ZNF516: variants seen among roughly 807,000 people sequenced by gnomAD.
The protein encoded by ZNF516 is zinc finger protein 516.
A neutral mutation model predicts 79.7 loss-of-function variants in ZNF516; 19 were observed. The observed-to-expected ratio is 0.24, with a 90% CI of 0.17 to 0.35. The LOEUF is 0.35. Among genes scored for constraint, ZNF516 ranks in the 10% least tolerant of loss-of-function variants. The pLI is 1.00. For missense variants in ZNF516, 1,678 were observed against 1,679.5 expected (o/e 1.00, Z 0.02); for synonymous variants, 877 against 739.5 (o/e 1.19, Z -3.02).
In ZNF516 at chr18:76,441,639, G is replaced by A. The variant is rs979940632; in HGVS notation, c.1416C>T (p.Ala472=). ...CGCGCTTCCGCGGGGGCCCCTGCGC[G>A]GCTGGTGCATCCTGCTCACGCTTGC... ...EKRKREQDAP[A]AQGPPRKRAS... is the part of the protein sequence containing the mutation. Residue 472 remains alanine, a synonymous_variant, in exon 3 of 7, where the codon GCC becomes GCT. Coordinates refer to ENST00000443185, the MANE Select transcript of ZNF516 (RefSeq NM_014643.4). 3.9e-6 allele frequency: 6 copies of A among 1,530,070 alleles called. No homozygotes were observed. Among genetic ancestry groups the A allele is most frequent in the East Asian group, 2.5e-5 (1 of 39,860 alleles). The allele number at this position is 1,530,070 out of a possible 1,614,324, so 94.8% of individuals were successfully genotyped here.
In ZNF516 at chr18:76,451,244, T is replaced by A. The variant is rs1454277179; in HGVS notation, c.-157-8033A>T. Among the ~76,000 whole-genome samples, 2 of 152,182 alleles carry A rather than the reference T, an allele frequency of 1.3e-5. No homozygotes were observed. The highest frequency in any genetic ancestry group is 2.9e-5 in the Non-Finnish European group (2 of 68,022). On this transcript the variant is annotated intron_variant, in intron 2 of 6. Transcript: ENST00000443185. The surrounding 1 kb of genome is among the most constrained non-coding windows in gnomAD (Gnocchi z 6.0). ...CCTTATCGCGGTCCCGAAACAGCCCTGGCTCCCCCGACGCCATGTGGCTTT... is the reference window on the plus strand; with the variant it reads ...CCTTATCGCGGTCCCGAAACAGCCCAGGCTCCCCCGACGCCATGTGGCTTT...
At chr18:76,435,151 A>G (rs935383024) in intron 3 of ZNF516, among the ~76,000 whole-genome samples, 2 of 149,534 alleles carry the variant, frequency 1.3e-5, no homozygotes, top group African/African-American at 4.8e-5. Flanking sequence ...GAGAGAGAAG[A>G]TAAGTGTTTG....
chr18:76,439,050 G>A lies in ZNF516; in HGVS notation c.1810+2195C>T, dbSNP rs151097719. Among the ~76,000 whole-genome samples, 31 of 152,308 alleles carry A rather than the reference G, an allele frequency of 2.0e-4. No homozygotes were observed. In the East Asian group the frequency reaches 5.2e-3, roughly 26 times the overall value. The stretch of plus-strand genomic sequence containing the variant: ...AAAGGCAAGCATTTCCCAAAGTTGC[G>A]TGTATTTTTTCAGAAAAAGAAAGGA... On this transcript the variant is annotated intron_variant, in intron 3 of 6. Coordinates refer to ENST00000443185, the MANE Select transcript of ZNF516 (RefSeq NM_014643.4).
chr18:76,383,172 A>G (rs1432326472), intron 3 of ZNF516, among the ~76,000 whole-genome samples: 1 of 152,092 alleles, frequency 6.6e-6, no homozygotes, highest in Non-Finnish European at 1.5e-5. Flanking sequence ...AGGGCGGGAG[A>G]GAAGCATGAC....
chr18:76,372,308 T>C (rs1169247952), intron 4 of ZNF516, among the ~76,000 whole-genome samples: 1 of 152,276 alleles, frequency 6.6e-6, no homozygotes, highest in South Asian at 2.1e-4. Context: ...AGAGCGTTTA[T>C]TTGTCTGCAC....
chr18:76,398,619 G>A (rs1321137992), intron 3 of ZNF516, among the ~76,000 whole-genome samples: 1 of 145,974 alleles, frequency 6.9e-6, no homozygotes, highest in East Asian at 1.9e-4. Flanking sequence ...AAGGAATGGG[G>A]GCCTTTCTGA....
intron 1 of ZNF516, chr18:76,487,938 G>A (rs1242913992): frequency 2.0e-6 from 2 of 985,282 alleles, no homozygotes; most frequent in Non-Finnish European, 2.4e-6. Context: ...GAGAAGAAGG[G>A]AACAGCTACA....
intron 4 of ZNF516, among the ~76,000 whole-genome samples, chr18:76,376,518 T>C (rs934996950): frequency 5.2e-5 from 7 of 135,776 alleles, no homozygotes; most frequent in Non-Finnish European, 1.1e-4. Context: ...AGATAAATAT[T>C]TAACCTCTCT....
At chr18:76,419,166 GA>G (rs1417532138) in intron 3 of ZNF516, among the ~76,000 whole-genome samples, 1 of 152,202 alleles carries the variant, frequency 6.6e-6, no homozygotes, top group South Asian at 2.1e-4. Flanking sequence ...GACCCTGGGG[GA>G]ATTCAGGATT....
At chr18:76,425,698 T>C (rs771167499) in intron 3 of ZNF516, among the ~76,000 whole-genome samples, 2 of 152,224 alleles carry the variant, frequency 1.3e-5, no homozygotes, top group Non-Finnish European at 2.9e-5. Flanking sequence ...GCTGTGTCTT[T>C]TGTCAACACC....
At chr18:76,397,929 C>A (rs938586870) in intron 3 of ZNF516, among the ~76,000 whole-genome samples, 31 of 152,304 alleles carry the variant, frequency 2.0e-4, no homozygotes, top group African/African-American at 7.0e-4. Flanking sequence ...CGAACAAAAA[C>A]AGTCCCAAAT....
chr18:76,459,707 C>T lies in ZNF516; in HGVS notation c.-158+3321G>A, dbSNP rs561214902. Reference sequence around the variant, plus strand: ...GAAGTGGCAGGGCAGGAGGTAGAACCGGAAGCCTCACGCTACACCAGGCAC... The same window carrying T: ...GAAGTGGCAGGGCAGGAGGTAGAACTGGAAGCCTCACGCTACACCAGGCAC... On this transcript the variant is annotated intron_variant, in intron 2 of 6. Transcript: ENST00000443185. The surrounding 1 kb of genome is among the most constrained non-coding windows in gnomAD (Gnocchi z 5.0). Among the ~76,000 whole-genome samples the T allele has an allele frequency of 6.6e-6, 1 of 152,268 alleles. No homozygotes were observed. The highest frequency in any genetic ancestry group is 1.5e-5 in the Non-Finnish European group (1 of 68,016).
rs765103551 is a variant in ZNF516 at position 76,379,663 on chromosome 18, G to A, written c.2451C>T (p.Gly817=). 5.6e-6 allele frequency: 9 copies of A among 1,613,510 alleles called. No homozygotes were observed. The highest frequency in any genetic ancestry group is 5.3e-5 in the African/African-American group (4 of 74,956). The part of the protein sequence containing the change: ...LVFLSRSGRT[G]PPPALGGKEC... ...CTTTGCCACCGAGGGCAGGCGGGGGGCCCGTGCGTCCGCTCCGGGAAAGGA... is the reference window on the plus strand; with the variant it reads ...CTTTGCCACCGAGGGCAGGCGGGGGACCCGTGCGTCCGCTCCGGGAAAGGA... The change falls in exon 4 of 7, where the codon GGC becomes GGT. Residue 817 remains glycine (G), a synonymous_variant. Coordinates refer to ENST00000443185, the MANE Select transcript of ZNF516 (RefSeq NM_014643.4).
intron 4 of ZNF516, among the ~76,000 whole-genome samples, chr18:76,373,874 A>G (rs1350677723): frequency 6.6e-6 from 1 of 152,274 alleles, no homozygotes; most frequent in Non-Finnish European, 1.5e-5. Flanking sequence ...TTCCGAGTCA[A>G]TCACAAAGGT....
intron 3 of ZNF516, among the ~76,000 whole-genome samples, chr18:76,399,145 G>A (rs138409946): frequency 2.8e-4 from 43 of 152,096 alleles, no homozygotes; most frequent in African/African-American, 9.2e-4. Flanking sequence ...CTGGTGCTAC[G>A]CGTGTGGTCC....
intron 1 of ZNF516, among the ~76,000 whole-genome samples, chr18:76,480,616 G>A (rs998951999): frequency 1.5e-4 from 23 of 151,350 alleles, no homozygotes; most frequent in Non-Finnish European, 2.4e-4. Flanking sequence ...TCCATCTCCC[G>A]GATTGAAGCA....
chr18:76,440,757 T>C (rs76151726), intron 3 of ZNF516, among the ~76,000 whole-genome samples: 7 of 146,454 alleles, frequency 4.8e-5, no homozygotes, highest in South Asian at 2.1e-4. Flanking sequence ...TGTGTGTGTG[T>C]GTGTGCGCGC....
chr18:76,450,295 G>GCA (rs1253727093), intron 2 of ZNF516, among the ~76,000 whole-genome samples: 1 of 150,936 alleles, frequency 6.6e-6, no homozygotes, highest in Non-Finnish European at 1.5e-5. Context: ...CAAAAGCAAA[G>GCA]CAGCTCTGAG....
chr18:76,377,221 A>C (rs915901633), intron 4 of ZNF516, among the ~76,000 whole-genome samples: 2 of 152,196 alleles, frequency 1.3e-5, no homozygotes, highest in African/African-American at 2.4e-5. Context: ...GAAGATGAGG[A>C]TCTAAGACCA....
Sources: gnomAD v4.1 joint callset for allele counts (sites outside exome capture counted in the v4.1 genomes callset) on GRCh38, gnomAD v4.1.1 for gene constraint, Gnocchi (gnomAD v3.1) non-coding constraint, MANE v1.5 for transcripts, NCBI Gene and HGNC (gene_info 2026-07-23, HGNC 2026-07-21) for gene names.